The following NSD1 variants were observed in gnomAD, a reference collection of about 807,000 sequenced individuals.
The protein encoded by NSD1 is nuclear receptor binding SET domain protein 1, also known as histone-lysine N-methyltransferase, H3 lysine-36 specific.
A neutral mutation model predicts 242.7 loss-of-function variants in NSD1; 26 were observed. The observed-to-expected ratio is 0.11, with a 90% CI of 0.08 to 0.15. The LOEUF is 0.15. Ranked by LOEUF, NSD1 falls within the 10% of genes least tolerant of loss-of-function variation. NSD1 has a pLI of 1.00. For synonymous variants in NSD1, 1,106 were observed against 1,178.1 expected (o/e 0.94, Z 1.25); for missense variants, 2,495 against 3,272.8 (o/e 0.76, Z 5.80).
chr5:177,154,738 C>G (rs80102184), intron 2 of NSD1, among the ~76,000 whole-genome samples: 15,446 of 152,098 alleles, frequency 0.1, 1,328 homozygotes, highest in African/African-American at 0.24. Context: ...CTCTGTCGCC[C>G]CAGCTGGAAT....
chr5:177,229,755 T>C (rs560620391), intron 5 of NSD1: 83 of 411,628 alleles, frequency 2.0e-4, no homozygotes, highest in African/African-American at 1.7e-3. Context: ...TATTTTTTTA[T>C]TTTTTTGAGG....
intron 12 of NSD1, among the ~76,000 whole-genome samples, chr5:177,255,129 A>AG: frequency 6.6e-6 from 1 of 152,112 alleles, no homozygotes; most frequent in East Asian, 1.9e-4. Flanking sequence ...ATGTGGTGAA[A>AG]CCTTGTCTCT....
At chr5:177,263,458 A>C (rs1757149647) in intron 14 of NSD1, among the ~76,000 whole-genome samples, 1 of 152,230 alleles carries the variant, frequency 6.6e-6, no homozygotes, top group Non-Finnish European at 1.5e-5. Flanking sequence ...ACTACCTCCA[A>C]ACCAATACAA....
intron 2 of NSD1, among the ~76,000 whole-genome samples, chr5:177,158,257 CT>C (rs1758314057): frequency 1.1e-5 from 1 of 93,184 alleles, no homozygotes; most frequent in Admixed American, 1.2e-4. Context: ...TTCTTTCTTT[CT>C]TTCTTTCTTT....
intron 17 of NSD1, 59 bp from the exon 18 acceptor site, chr5:177,280,506 G>C: frequency 1.2e-6 from 2 of 1,611,010 alleles, no homozygotes; most frequent in Non-Finnish European, 1.7e-6. Context: ...CCTTTTTCAG[G>C]ACGTGAATTG....
chr5:177,229,627 A>G, intron 5 of NSD1: 1 of 223,462 alleles, frequency 4.5e-6, no homozygotes, highest in Non-Finnish European at 9.3e-6. Flanking sequence ...TGAATTCTCC[A>G]TGCTTTTCTA....
Position 177,135,667 on chromosome 5 carries a change from G to C in NSD1, c.564G>C (p.Gln188His). 1 of 1,614,194 alleles carries C rather than the reference G, an allele frequency of 6.2e-7. No homozygotes were observed. Among genetic ancestry groups the C allele is most frequent in the Non-Finnish European group, 8.5e-7 (1 of 1,180,038 alleles). Residue 188 changes from glutamine to histidine, a missense_variant, in exon 2 of 23, where the codon CAG (glutamine) becomes CAC (histidine). Physicochemically the swap from Gln to His is conservative, Grantham distance 24. Coordinates refer to ENST00000439151, the MANE Select transcript of NSD1 (RefSeq NM_022455.5). ...ESIEEIFEET[Q>H]TNATCNYETK... ...TAGAGGAGATCTTTGAGGAAACTCA[G>C]ACCAATGCCACCTGCAATTATGAGA...
intron 2 of NSD1, among the ~76,000 whole-genome samples, chr5:177,144,477 A>G (rs1757075036): frequency 6.6e-6 from 1 of 151,858 alleles, no homozygotes. Context: ...AGTAATCAGG[A>G]GCATTTGTTG....
chr5:177,196,421 GA>G (rs1172720531), intron 3 of NSD1, among the ~76,000 whole-genome samples: 1 of 152,148 alleles, frequency 6.6e-6, no homozygotes, highest in Non-Finnish European at 1.5e-5. Flanking sequence ...ATGGTGTGAT[GA>G]AAATTGCGAA....
intron 5 of NSD1, among the ~76,000 whole-genome samples, chr5:177,219,073 T>C (rs1220081246): frequency 6.6e-6 from 1 of 152,200 alleles, no homozygotes; most frequent in Non-Finnish European, 1.5e-5. Flanking sequence ...GATTTATTTT[T>C]CTGTCTTCTC....
rs1760521219 is a variant in NSD1, at chr5:177,300,071, GC to G, written c.*4617del. On this transcript the variant is annotated 3_prime_UTR_variant, in exon 23 of 23. Coordinates refer to ENST00000439151, the MANE Select transcript of NSD1 (RefSeq NM_022455.5). The stretch of plus-strand genomic sequence containing the variant: ...TTTTTTGCCGCGCCCCCCCCCCCCC[GC>G]CCCCATAGATTGTCAGCTGTAAGTG... 1 of 78,574 alleles carries G rather than the reference GC, an allele frequency of 1.3e-5. No homozygotes were observed. 4.9% of individuals were successfully genotyped at this position (78,574 alleles called of 1,614,324 possible).
intron 2 of NSD1, among the ~76,000 whole-genome samples, chr5:177,143,453 C>T (rs893711022): frequency 1.3e-5 from 2 of 151,980 alleles, no homozygotes; most frequent in African/African-American, 4.8e-5. Context: ...TCCTGAGTAG[C>T]TGGGATTACA....
chr5:177,164,832 A>G (rs751634065), intron 2 of NSD1, among the ~76,000 whole-genome samples: 3 of 151,772 alleles, frequency 2.0e-5, no homozygotes, highest in Non-Finnish European at 4.4e-5. Context: ...AATCCCAGCT[A>G]CTCAGGAAGC....
intron 2 of NSD1, among the ~76,000 whole-genome samples, chr5:177,161,666 C>T (rs1393653433): frequency 7.0e-6 from 1 of 142,752 alleles, no homozygotes; most frequent in Admixed American, 7.3e-5. Context: ...AACCTGTTTT[C>T]TGTTTCTTTC....
At position 177,296,502 on chromosome 5, in the gene NSD1, A is replaced by G. The variant is rs939569973; in HGVS notation, c.*1043A>G. The G allele has an allele frequency of 2.1e-5, 5 of 233,188 alleles. No homozygotes were observed. The highest frequency in any genetic ancestry group is 4.2e-5 in the Non-Finnish European group (5 of 118,066). The allele number at this position is 233,188 out of a possible 1,614,324, so 14.4% of individuals were successfully genotyped here. On this transcript the variant is annotated 3_prime_UTR_variant, in exon 23 of 23. Transcript: ENST00000439151. Reference sequence around the variant, plus strand: ...AGCTAGACACACCAGCTTCAGGAAGAGTACCAGATCCTGATGGGAAATTTC... The same window carrying G: ...AGCTAGACACACCAGCTTCAGGAAGGGTACCAGATCCTGATGGGAAATTTC...
Position 177,299,561 on chromosome 5 carries a change from C to T in NSD1, c.*4102C>T, listed in dbSNP as rs1760460198. On this transcript the variant is annotated 3_prime_UTR_variant, in exon 23 of 23. Coordinates refer to ENST00000439151, the MANE Select transcript of NSD1 (RefSeq NM_022455.5). ...ACCTCTTCCACTCATGGAAGCCCCT[C>T]TACTGCTTATGAAGATTAAGGGTAG... The T allele has an allele frequency of 4.3e-6, 1 of 233,198 alleles. No individual in the cohort carries two copies. Among genetic ancestry groups the T allele is most frequent in the South Asian group, 1.8e-4 (1 of 5,534 alleles). 14.4% of individuals were successfully genotyped at this position (233,198 alleles called of 1,614,324 possible).
At chr5:177,137,237 G>T (rs965662767) in intron 2 of NSD1, 2 of 249,748 alleles carry the variant, frequency 8.0e-6, no homozygotes, top group Non-Finnish European at 1.5e-5. Flanking sequence ...ATTAATATTT[G>T]ATATTGATTT....
chr5:177,263,346 T>G (rs1757142391), intron 14 of NSD1, among the ~76,000 whole-genome samples: 1 of 152,110 alleles, frequency 6.6e-6, no homozygotes, highest in Non-Finnish European at 1.5e-5. Flanking sequence ...AAGACTGGAG[T>G]TTAGTTAATT....
intron 5 of NSD1, among the ~76,000 whole-genome samples, chr5:177,232,359 T>A (rs1765125710): frequency 6.6e-6 from 1 of 152,240 alleles, no homozygotes; most frequent in South Asian, 2.1e-4. Flanking sequence ...AGATGTTGTT[T>A]AAAATGCAGG....
Sources: gnomAD v4.1 joint callset for allele counts (sites outside exome capture counted in the v4.1 genomes callset) on GRCh38, gnomAD v4.1.1 for gene constraint, MANE v1.5 for transcripts, NCBI Gene and HGNC (gene_info 2026-07-23, HGNC 2026-07-21) for gene names.